The following KLHL32 variants were observed in gnomAD, a reference collection of about 807,000 sequenced individuals.
The protein encoded by KLHL32 is kelch like family member 32, also known as kelch-like protein 32.
KLHL32 carries 35 observed loss-of-function variants against 64.8 expected under a neutral mutation model. The observed-to-expected ratio is 0.54, with a 90% confidence interval of 0.41 to 0.72. The LOEUF (loss-of-function observed/expected upper bound fraction) is 0.72, where lower values mean the gene tolerates loss of function less well. KLHL32 is among the 30% of genes least tolerant of loss of function. KLHL32 has a pLI of 0.00. For missense variants in KLHL32, 589 were observed against 768.5 expected (o/e 0.77, Z 2.76); for synonymous variants, 259 against 281.0 (o/e 0.92, Z 0.78).
chr6:97,010,928 A>C (rs1780327106), intron 3 of KLHL32, among the ~76,000 whole-genome samples: 1 of 152,232 alleles, frequency 6.6e-6, no homozygotes, highest in Non-Finnish European at 1.5e-5. Flanking sequence ...GAGATTGTCC[A>C]GCAGAGGAAA....
intron 10 of KLHL32, among the ~76,000 whole-genome samples, chr6:97,137,138 G>A (rs1190538545): frequency 6.6e-6 from 1 of 152,092 alleles, no homozygotes; most frequent in Non-Finnish European, 1.5e-5. Flanking sequence ...CCCCACCGGG[G>A]TTTTCCCTTT....
At chr6:97,101,674 G>T (rs549305282) in intron 6 of KLHL32, among the ~76,000 whole-genome samples, 24 of 152,286 alleles carry the variant, frequency 1.6e-4, no homozygotes, top group East Asian at 1.9e-4. Flanking sequence ...CAAAGCCACA[G>T]AACTTAAATT....
chr6:97,107,009 TGG>T (rs1025736552), intron 6 of KLHL32, among the ~76,000 whole-genome samples: 2 of 152,158 alleles, frequency 1.3e-5, no homozygotes, highest in African/African-American at 4.8e-5. Context: ...AGTTATTTTT[TGG>T]GCTGAGCGCG....
chr6:97,111,492 C>T (rs772390803), intron 6 of KLHL32, among the ~76,000 whole-genome samples: 2 of 152,154 alleles, frequency 1.3e-5, no homozygotes, highest in African/African-American at 2.4e-5. Context: ...CCTCATGGGA[C>T]GGAACATGCA....
chr6:97,093,668 A>C (rs1353083060), intron 6 of KLHL32, among the ~76,000 whole-genome samples: 1 of 150,934 alleles, frequency 6.6e-6, no homozygotes, highest in Non-Finnish European at 1.5e-5. Flanking sequence ...GTCGTACAGG[A>C]AAGTGTTGCT....
At chr6:96,992,576 TGA>T (rs1450205593) in intron 3 of KLHL32, among the ~76,000 whole-genome samples, 1 of 152,138 alleles carries the variant, frequency 6.6e-6, no homozygotes. Flanking sequence ...TGTGTATGTG[TGA>T]GAGAGAGAGG....
chr6:97,016,396 T>A (rs1329537676), intron 3 of KLHL32, among the ~76,000 whole-genome samples: 1 of 152,220 alleles, frequency 6.6e-6, no homozygotes, highest in Non-Finnish European at 1.5e-5. Context: ...TCAAAGGAGA[T>A]CATTTTGGAA....
At chr6:96,993,146 T>C (rs1411373609) in intron 3 of KLHL32, among the ~76,000 whole-genome samples, 2 of 152,254 alleles carry the variant, frequency 1.3e-5, no homozygotes, top group Admixed American at 6.5e-5. Context: ...ATACTGGAAG[T>C]AATTTTTTCC....
intron 3 of KLHL32, among the ~76,000 whole-genome samples, chr6:96,984,693 A>G (rs1776778874): frequency 1.3e-5 from 2 of 148,352 alleles, no homozygotes; most frequent in South Asian, 4.3e-4. Flanking sequence ...TAGGATTGCA[A>G]CCCCTGCCTT....
At chr6:97,102,703 A>T (rs866694685) in intron 6 of KLHL32, among the ~76,000 whole-genome samples, 55 of 152,288 alleles carry the variant, frequency 3.6e-4, no homozygotes, top group South Asian at 1.7e-3. Context: ...CTCAAATATG[A>T]GGAGACCAAG....
At chr6:97,094,476 C>T (rs892432904) in intron 6 of KLHL32, among the ~76,000 whole-genome samples, 9 of 152,196 alleles carry the variant, frequency 5.9e-5, no homozygotes, top group African/African-American at 1.9e-4. Flanking sequence ...ATTCTGAGAT[C>T]ATAATCAGGA....
intron 1 of KLHL32, among the ~76,000 whole-genome samples, chr6:96,930,753 CAAT>C (rs1441818094): frequency 2.0e-5 from 3 of 152,054 alleles, no homozygotes; most frequent in East Asian, 1.9e-4. Context: ...AGCTTGGACT[CAAT>C]GATGTCTTTT....
At chr6:97,082,135 G>T (rs1319220189) in intron 5 of KLHL32, among the ~76,000 whole-genome samples, 6 of 152,208 alleles carry the variant, frequency 3.9e-5, no homozygotes, top group Non-Finnish European at 8.8e-5. Context: ...ACTGTTGCAA[G>T]AAGTCCAGAC....
At chr6:96,988,871 G>C (rs555462944) in intron 3 of KLHL32, among the ~76,000 whole-genome samples, 2 of 151,732 alleles carry the variant, frequency 1.3e-5, no homozygotes, top group Admixed American at 1.3e-4. Flanking sequence ...ACCAAACACC[G>C]CATGTTCTCA....
intron 2 of KLHL32, among the ~76,000 whole-genome samples, chr6:96,968,394 A>G (rs34398537): frequency 6.6e-6 from 1 of 151,536 alleles, no homozygotes; most frequent in Admixed American, 6.6e-5. Context: ...ACAAAAACAA[A>G]AAAAAAAACA....
At chr6:97,033,168 C>T (rs1582786755) in intron 3 of KLHL32, among the ~76,000 whole-genome samples, 1 of 152,094 alleles carries the variant, frequency 6.6e-6, no homozygotes, top group South Asian at 2.1e-4. Flanking sequence ...TTTATATGTA[C>T]TGGGAAACCA....
intron 9 of KLHL32, 94 bp downstream of exon 9, chr6:97,131,043 A>C (rs1799388203): frequency 9.6e-7 from 1 of 1,046,318 alleles, no homozygotes. Context: ...CTAAATATTA[A>C]GTGCATAGTT....
chr6:96,961,502 T>C (rs12525889), intron 1 of KLHL32, among the ~76,000 whole-genome samples: 11,561 of 152,290 alleles, frequency 0.076, 479 homozygotes, highest in Middle Eastern at 0.15. Context: ...TGTTACTGGC[T>C]GGGCTCGTTC....
At chr6:96,923,081 G>T (rs1474131823), upstream of KLHL32, among the ~76,000 whole-genome samples, 1 of 152,206 alleles carries the variant, frequency 6.6e-6, no homozygotes, top group African/African-American at 2.4e-5. Context: ...CTCTTCCATA[G>T]TCACACAGAT....
Sources: allele counts gnomAD v4.1 joint callset (sites outside exome capture counted in the v4.1 genomes callset), GRCh38; gene constraint gnomAD v4.1.1; transcripts MANE v1.5; gene names NCBI Gene and HGNC (gene_info 2026-07-23, HGNC 2026-07-21).